Variants in CCSER1 observed in about 807,000 individuals in gnomAD.
CCSER1 encodes serine-rich coiled-coil domain-containing protein 1.
A neutral mutation model predicts 82.0 loss-of-function variants in CCSER1; 41 were observed. The ratio of observed to expected loss-of-function variants is 0.50; its 90% CI spans 0.39 to 0.65. CCSER1 has a LOEUF of 0.65. Among genes scored for constraint, CCSER1 ranks in the 30% least tolerant of loss-of-function variants. The probability of loss-of-function intolerance (pLI) is 0.00; values close to 1 mark genes in which losing one functional copy is unlikely to be tolerated. For missense variants in CCSER1, 1,119 were observed against 1,064.2 expected (o/e 1.05, Z -0.72); for synonymous variants, 414 against 383.9 (o/e 1.08, Z -0.92).
chr4:91,151,768 A>G (rs1465198446), intron 10 of CCSER1, among the ~76,000 whole-genome samples: 1 of 152,146 alleles, frequency 6.6e-6, no homozygotes, highest in African/African-American at 2.4e-5. Flanking sequence ...TTCAGTTTCC[A>G]TGTAGTTGAG....
rs74796366 is a variant in CCSER1, at chr4:91,139,348, G to A, written c.2217+53354G>A. 4.8e-3 allele frequency among the ~76,000 whole-genome samples: 727 copies of A among 151,662 alleles called. 6 individuals carry two copies. Among genetic ancestry groups the A allele is most frequent in the African/African-American group, 0.016 (677 of 41,292 alleles). On this transcript the variant is annotated intron_variant, in intron 10 of 10. Transcript: ENST00000509176. Reference sequence around the variant, plus strand: ...CTTTACTATTTAAATACCACTTATCGTCTATTTTGTGCTGAGCATTGTGCT... The same window carrying A: ...CTTTACTATTTAAATACCACTTATCATCTATTTTGTGCTGAGCATTGTGCT...
chr4:90,941,958 G>GT (rs112347207), intron 9 of CCSER1, among the ~76,000 whole-genome samples: 10,386 of 150,796 alleles, frequency 0.069, 1,000 homozygotes, highest in African/African-American at 0.22. Flanking sequence ...GTTTTGTTTT[G>GT]TTTTTTTTGA....
intron 1 of CCSER1, among the ~76,000 whole-genome samples, chr4:90,215,614 T>A (rs1165255294): frequency 6.6e-6 from 1 of 152,216 alleles, no homozygotes; most frequent in Admixed American, 6.5e-5. Flanking sequence ...CTCTGTGCTC[T>A]ATTTGACAGA....
intron 6 of CCSER1, among the ~76,000 whole-genome samples, chr4:90,673,876 T>G (rs549267032): frequency 1.3e-5 from 2 of 152,152 alleles, no homozygotes; most frequent in African/African-American, 2.4e-5. Flanking sequence ...CATTATAAAT[T>G]TAGCCAGTAA....
chr4:90,600,974 AT>A (rs34374173), intron 5 of CCSER1, among the ~76,000 whole-genome samples: 63,873 of 151,452 alleles, frequency 0.42, 15,369 homozygotes, highest in African/African-American at 0.66. Flanking sequence ...TTTCAAATCT[AT>A]TTTTTTCATT....
chr4:90,831,563 G>A (rs575840748), intron 8 of CCSER1, among the ~76,000 whole-genome samples: 1 of 152,254 alleles, frequency 6.6e-6, no homozygotes, highest in Admixed American at 6.5e-5. Context: ...ACAATATGTT[G>A]CAAAAGGCAG....
chr4:91,336,703 G>C (rs961911076), intron 10 of CCSER1, among the ~76,000 whole-genome samples: 1 of 151,966 alleles, frequency 6.6e-6, no homozygotes, highest in Non-Finnish European at 1.5e-5. Context: ...ATTCTAATTA[G>C]AGTTTATTCT....
At chr4:91,491,275 C>T (rs1311407898) in intron 10 of CCSER1, among the ~76,000 whole-genome samples, 1 of 151,888 alleles carries the variant, frequency 6.6e-6, no homozygotes, top group Non-Finnish European at 1.5e-5. Flanking sequence ...TCCATGTGCC[C>T]TCTCCATCGC....
At chr4:91,145,171 C>A (rs193228562) in intron 10 of CCSER1, among the ~76,000 whole-genome samples, 3 of 152,108 alleles carry the variant, frequency 2.0e-5, no homozygotes, top group African/African-American at 7.2e-5. Flanking sequence ...TAAAATAGTT[C>A]AGTCTTTTTG....
intron 10 of CCSER1, among the ~76,000 whole-genome samples, chr4:91,100,190 TA>T (rs77422105): frequency 9.3e-5 from 14 of 149,840 alleles, no homozygotes; most frequent in Middle Eastern, 3.4e-3. Flanking sequence ...TTGGGCAAGA[TA>T]AAAAAAAAAT....
intron 1 of CCSER1, among the ~76,000 whole-genome samples, chr4:90,273,223 T>A (rs1726914649): frequency 6.6e-6 from 1 of 151,752 alleles, no homozygotes; most frequent in African/African-American, 2.4e-5. Flanking sequence ...GGGAGGGTAG[T>A]AGTGGGGGTG....
chr4:91,155,459 G>A (rs938535811), intron 10 of CCSER1, among the ~76,000 whole-genome samples: 1 of 151,832 alleles, frequency 6.6e-6, no homozygotes, highest in African/African-American at 2.4e-5. Flanking sequence ...TTTATTAGCA[G>A]CATGAGAACG....
At chr4:90,954,594 A>T (rs1275245257) in intron 9 of CCSER1, among the ~76,000 whole-genome samples, 2 of 152,130 alleles carry the variant, frequency 1.3e-5, no homozygotes, top group Admixed American at 1.3e-4. Context: ...GAACTAACAC[A>T]TTAAATAGTG....
At chr4:90,756,705 T>C (rs1749588790) in intron 7 of CCSER1, among the ~76,000 whole-genome samples, 1 of 152,194 alleles carries the variant, frequency 6.6e-6, no homozygotes, top group Non-Finnish European at 1.5e-5. Context: ...TATTCCTAGT[T>C]CTTGTTATGA....
chr4:91,153,198 T>C (rs541222000), intron 10 of CCSER1, among the ~76,000 whole-genome samples: 1 of 152,132 alleles, frequency 6.6e-6, no homozygotes, highest in East Asian at 1.9e-4. Context: ...TCTTAGAGGC[T>C]TTGTTCATTT....
chr4:90,177,145 A>G (rs1363243626), intron 1 of CCSER1, among the ~76,000 whole-genome samples: 2 of 152,104 alleles, frequency 1.3e-5, no homozygotes, highest in African/African-American at 2.4e-5. Context: ...GATCATGAAC[A>G]TTATCTCTGA....
At chr4:91,235,584 A>G (rs930378475) in intron 10 of CCSER1, among the ~76,000 whole-genome samples, 1 of 152,146 alleles carries the variant, frequency 6.6e-6, no homozygotes, top group Non-Finnish European at 1.5e-5. Context: ...GACAAAAATC[A>G]ACGTATCTTT....
At chr4:90,605,272 G>C (rs1784546175) in intron 5 of CCSER1, among the ~76,000 whole-genome samples, 1 of 152,188 alleles carries the variant, frequency 6.6e-6, no homozygotes, top group African/African-American at 2.4e-5. Flanking sequence ...AAGTCAGCCA[G>C]ACCAAGAAAC....
intron 10 of CCSER1, among the ~76,000 whole-genome samples, chr4:91,233,994 G>A (rs1428847458): frequency 2.6e-5 from 4 of 151,820 alleles, no homozygotes; most frequent in Non-Finnish European, 5.9e-5. Flanking sequence ...TTCTAGAAAT[G>A]CAAATATAGT....
Sources: gnomAD v4.1 joint callset for allele counts (sites outside exome capture counted in the v4.1 genomes callset) on GRCh38, gnomAD v4.1.1 for gene constraint, MANE v1.5 for transcripts, NCBI Gene and HGNC (gene_info 2026-07-23, HGNC 2026-07-21) for gene names.